Variants in CDHR3 observed in about 807,000 individuals in gnomAD.
CDHR3 encodes cadherin related family member 3.
CDHR3 carries 79 observed loss-of-function variants against 86.6 expected under a neutral mutation model. The ratio of observed to expected loss-of-function variants is 0.91; its 90% CI spans 0.76 to 1.10. The LOEUF is 1.10. CDHR3 is among the 50% of genes least tolerant of loss of function. CDHR3 has a pLI of 0.00. For missense variants in CDHR3, 1,081 were observed against 1,077.6 expected (o/e 1.00, Z -0.04); for synonymous variants, 421 against 402.4 (o/e 1.05, Z -0.55).
At chr7:106,013,999 C>T (rs756377116) in intron 9 of CDHR3, among the ~76,000 whole-genome samples, 33 of 152,184 alleles carry the variant, frequency 2.2e-4, no homozygotes, top group Non-Finnish European at 3.7e-4. Flanking sequence ...CTCGCTCTGT[C>T]ACCCAGGCTG....
chr7:105,973,109 C>T (rs549526890), intron 1 of CDHR3, among the ~76,000 whole-genome samples: 9 of 152,244 alleles, frequency 5.9e-5, no homozygotes, highest in Admixed American at 1.3e-4. Context: ...GTTTTCTTCT[C>T]AGGGTCTGAT....
At position 105,970,150 on chromosome 7, in the gene CDHR3, AAGTT is replaced by A. The variant is rs1175350764; in HGVS notation, c.47-4691_47-4688del. ...CTCTGTGTATTGAAAGCAGAGCTCT[AAGTT>A]AGAGCAGCTACACCCCAAGAAGAAG... On this transcript the variant is annotated intron_variant, in intron 1 of 18. Transcript: ENST00000317716. 4.6e-5 allele frequency among the ~76,000 whole-genome samples: 7 copies of A among 152,180 alleles called. No individual in the cohort carries two copies. The East Asian group carries it at 5.8e-4, about 13-fold the overall frequency.
chr7:105,994,688 C>A (rs1472938031), intron 4 of CDHR3, 63 bp from the exon 5 acceptor site: 2 of 1,086,538 alleles, frequency 1.8e-6, no homozygotes, highest in Non-Finnish European at 2.8e-6. Context: ...TGAGCACACA[C>A]ATCTTCTGGG....
In CDHR3 at chr7:106,007,634, C is replaced by T. The variant is rs555553384; in HGVS notation, c.1052+2947C>T. On this transcript the variant is annotated intron_variant, in intron 8 of 18. Coordinates refer to ENST00000317716, the MANE Select transcript of CDHR3 (RefSeq NM_152750.5). ...CAGTTCCCAACAAGTTCCTCATCTC[C>T]ATCTGAGACCACCTCAGCCTGGATT... Among the ~76,000 whole-genome samples, 247 of 152,340 alleles carry T rather than the reference C, an allele frequency of 1.6e-3. 2 individuals carry two copies. Among genetic ancestry groups the T allele is most frequent in the African/African-American group, 5.7e-3 (236 of 41,580 alleles).
At chr7:106,012,762 T>G (rs1321187396) in intron 8 of CDHR3, 98 bp from the exon 9 acceptor site, 1 of 1,271,784 alleles carries the variant, frequency 7.9e-7, no homozygotes, top group Admixed American at 2.4e-5. Context: ...TACTTTGAAT[T>G]GCAGTTAAAG....
At chr7:106,000,702 C>T (rs1455950228) in intron 6 of CDHR3, among the ~76,000 whole-genome samples, 2 of 152,118 alleles carry the variant, frequency 1.3e-5, no homozygotes, top group African/African-American at 4.8e-5. Flanking sequence ...AGTCTCATTA[C>T]TGGCCTGTTC....
intron 8 of CDHR3, among the ~76,000 whole-genome samples, chr7:106,010,421 T>A (rs2115830945): frequency 6.6e-6 from 1 of 152,328 alleles, no homozygotes; most frequent in South Asian, 2.1e-4. Flanking sequence ...ATAAGTGGTG[T>A]CTCTTCTAAG....
intron 1 of CDHR3, among the ~76,000 whole-genome samples, chr7:105,966,443 G>A (rs954607157): frequency 1.3e-5 from 2 of 152,210 alleles, no homozygotes; most frequent in Non-Finnish European, 2.9e-5. Flanking sequence ...TCATCTGTGC[G>A]TGGTTCTCTG....
intron 1 of CDHR3, among the ~76,000 whole-genome samples, chr7:105,969,516 A>G (rs1827597713): frequency 6.6e-6 from 1 of 152,004 alleles, no homozygotes; most frequent in Non-Finnish European, 1.5e-5. Flanking sequence ...GATTATTTGC[A>G]CCTGGTCTCA....
chr7:106,001,322 G>T, intron 6 of CDHR3, 140 bp from the exon 7 acceptor site: 1 of 815,380 alleles, frequency 1.2e-6, no homozygotes. Flanking sequence ...CCTTTCCACT[G>T]CTGTGCTCTC....
In CDHR3 at chr7:105,985,058, C is replaced by CA. The variant is rs3999857; in HGVS notation, c.513+787dup. 3.4e-3 allele frequency among the ~76,000 whole-genome samples: 487 copies of CA among 141,368 alleles called. 4 individuals carry two copies. Among genetic ancestry groups the CA allele is most frequent in the South Asian group, 0.011 (51 of 4,510 alleles). 92.7% of individuals were successfully genotyped at this position (141,368 alleles called of 152,430 possible). ...TGGGCAATAGAGCAAGACCCTGTCT[C>CA]AAAAAAAAAAAAAAAAAATTAAGGA... On this transcript the variant is annotated intron_variant, in intron 4 of 18. Coordinates refer to ENST00000317716, the MANE Select transcript of CDHR3 (RefSeq NM_152750.5).
At chr7:105,994,889 G>T in intron 5 of CDHR3, 44 bp downstream of exon 5, 1 of 1,489,782 alleles carries the variant, frequency 6.7e-7, no homozygotes, top group Non-Finnish European at 9.2e-7. Flanking sequence ...TTTATCTGAG[G>T]GTCAAGGAAA....
intron 5 of CDHR3, 46 bp from the exon 6 acceptor site, chr7:105,996,204 G>C (rs1414619545): frequency 9.5e-7 from 1 of 1,047,306 alleles, no homozygotes; most frequent in Non-Finnish European, 1.5e-6. Flanking sequence ...TTTTGAAGTA[G>C]TGCCAGCAAA....
rs1051384143 is a variant in CDHR3, at chr7:105,999,329, C to T, written c.714-2133C>T. Among the ~76,000 whole-genome samples the T allele has an allele frequency of 7.2e-5, 11 of 152,306 alleles. No individual in the cohort carries two copies. In the East Asian group the frequency reaches 1.3e-3, roughly 19 times the overall value. On this transcript the variant is annotated intron_variant, in intron 6 of 18. Transcript: ENST00000317716. ...GAATATTTCGCCTGAGGAGCTGCAT[C>T]GTGGCCAGTAGCCTGACCAGTTCCC...
chr7:106,013,142 C>G, intron 9 of CDHR3, 111 bp downstream of exon 9: 1 of 926,750 alleles, frequency 1.1e-6, no homozygotes, highest in Non-Finnish European at 1.6e-6. Context: ...CCTCTCAGAG[C>G]GACTGTAACT....
intron 1 of CDHR3, among the ~76,000 whole-genome samples, chr7:105,972,151 C>T (rs1828078774): frequency 6.6e-6 from 1 of 152,054 alleles, no homozygotes; most frequent in Admixed American, 6.5e-5. Context: ...CAGATGTGTG[C>T]AATGGTGACA....
chr7:106,002,842 G>T (rs1361792791), intron 7 of CDHR3, among the ~76,000 whole-genome samples: 1 of 152,114 alleles, frequency 6.6e-6, no homozygotes, highest in Non-Finnish European at 1.5e-5. Flanking sequence ...AATACTTAAA[G>T]GTCATTCATG....
At chr7:105,994,662 A>G (rs2115749136) in intron 4 of CDHR3, 89 bp from the exon 5 acceptor site, 1 of 896,510 alleles carries the variant, frequency 1.1e-6, no homozygotes, top group Non-Finnish European at 1.8e-6. Flanking sequence ...ATGGGCTAAG[A>G]ACATAAAATA....
intron 3 of CDHR3, among the ~76,000 whole-genome samples, chr7:105,981,557 C>T (rs1218497257): frequency 6.6e-6 from 1 of 152,192 alleles, no homozygotes; most frequent in Non-Finnish European, 1.5e-5. Flanking sequence ...GACCAGAGCA[C>T]ACAGTAACTA....
Sources: allele counts gnomAD v4.1 joint callset (sites outside exome capture counted in the v4.1 genomes callset), GRCh38; gene constraint gnomAD v4.1.1; transcripts MANE v1.5; gene names NCBI Gene and HGNC (gene_info 2026-07-23, HGNC 2026-07-21).